ADAM19: variants seen among roughly 807,000 people sequenced by gnomAD.
ADAM19 encodes the protein ADAM metallopeptidase domain 19, also known as disintegrin and metalloproteinase domain-containing protein 19.
In ADAM19, 65 loss-of-function variants were observed where a neutral mutation model predicts 114.7. That is an observed-to-expected ratio of 0.57 (90% CI 0.46 to 0.70). The LOEUF (loss-of-function observed/expected upper bound fraction) is 0.70. Ranked by LOEUF, ADAM19 falls within the 30% of genes least tolerant of loss-of-function variation. The pLI is 0.00. For synonymous variants in ADAM19, 466 were observed against 460.5 expected, an observed-to-expected ratio of 1.01 and a Z score of -0.15; for missense variants, 1,063 against 1,204.7, an observed-to-expected ratio of 0.88 and a Z score of 1.74.
intron 4 of ADAM19, among the ~76,000 whole-genome samples, chr5:157,531,298 C>T (rs924547162): frequency 5.3e-5 from 8 of 152,146 alleles, no homozygotes; most frequent in African/African-American, 1.9e-4. Flanking sequence ...GAATAGAATC[C>T]CCCTAAAATT....
intron 3 of ADAM19, among the ~76,000 whole-genome samples, chr5:157,548,761 A>G (rs1757112470): frequency 1.3e-5 from 2 of 152,228 alleles, no homozygotes; most frequent in South Asian, 4.1e-4. Flanking sequence ...CCACATTGTC[A>G]GCCTCCTCTC....
intron 3 of ADAM19, among the ~76,000 whole-genome samples, chr5:157,551,555 A>G (rs1166943501): frequency 6.6e-6 from 1 of 152,148 alleles, no homozygotes; most frequent in African/African-American, 2.4e-5. Context: ...CAACCAAAGA[A>G]AAAATGGACA....
chr5:157,551,772 T>C (rs1757205091), intron 3 of ADAM19, among the ~76,000 whole-genome samples: 2 of 150,866 alleles, frequency 1.3e-5, no homozygotes, highest in South Asian at 4.2e-4. Flanking sequence ...AAGCTTTGAA[T>C]AGACATTTCT....
At chr5:157,568,880 A>ACTATT (rs1262765817) in intron 2 of ADAM19, 1 of 152,200 alleles carries the variant, frequency 6.6e-6, no homozygotes, top group Non-Finnish European at 1.5e-5. Flanking sequence ...CACTATGCTG[A>ACTATT]CTATTCCTAC....
chr5:157,543,045 G>A (rs1301351156), intron 3 of ADAM19, among the ~76,000 whole-genome samples: 1 of 152,110 alleles, frequency 6.6e-6, no homozygotes, highest in Admixed American at 6.6e-5. Flanking sequence ...CAAAGGTTAT[G>A]ATTTTACAGC....
chr5:157,529,130 G>A (rs1581331531), intron 5 of ADAM19, among the ~76,000 whole-genome samples: 1 of 152,122 alleles, frequency 6.6e-6, no homozygotes, highest in South Asian at 2.1e-4. Flanking sequence ...CTACAAATCA[G>A]GGCTTTTTCC....
At chr5:157,522,098 T>C (rs1041224675) in intron 5 of ADAM19, among the ~76,000 whole-genome samples, 13 of 152,208 alleles carry the variant, frequency 8.5e-5, no homozygotes, top group Non-Finnish European at 1.9e-4. Flanking sequence ...AGAATCCTCA[T>C]AGTGGCTGCA....
rs1210004894 is a variant in ADAM19 at position 157,479,566 on chromosome 5, G to A, written c.*1383C>T. 2.0e-6 allele frequency: 2 copies of A among 985,780 alleles called. No individual in the cohort carries two copies. The highest frequency in any genetic ancestry group is 2.4e-6 in the Non-Finnish European group (2 of 829,998). The allele number at this position is 985,780 out of a possible 1,614,324, so 61.1% of individuals were successfully genotyped here. On this transcript the variant is annotated 3_prime_UTR_variant, in exon 23 of 23. Transcript: ENST00000257527. ...AAGCACCACACGGCCCTCCTTCCCT[G>A]CTGCAGGGAAGACAGGAGCCACCGC...
chr5:157,523,290 C>T (rs55717305), intron 5 of ADAM19, among the ~76,000 whole-genome samples: 5,110 of 152,250 alleles, frequency 0.034, 107 homozygotes, highest in South Asian at 0.07. Flanking sequence ...TTAGAATATT[C>T]TACAGTGTAT....
In ADAM19 at chr5:157,519,883, A is replaced by C; in HGVS notation, c.556T>G (p.Trp186Gly). 6.2e-7 allele frequency: 1 copy of C among 1,614,090 alleles called. No homozygotes were observed. Among genetic ancestry groups the C allele is most frequent in the South Asian group, 1.1e-5 (1 of 91,068 alleles). ...FEHSKPTTRDWALQFTQQTKK... is the reference protein window; with the variant it reads ...FEHSKPTTRDGALQFTQQTKK... Reference sequence around the variant, plus strand: ...GTCTGTTGTGTAAACTGAAGAGCCCAGTCCCTGGTGGTGGGCTTGGAGTGC... The same window carrying C: ...GTCTGTTGTGTAAACTGAAGAGCCCCGTCCCTGGTGGTGGGCTTGGAGTGC... Residue 186 changes from tryptophan to glycine, a missense_variant, in exon 6 of 23, where the codon TGG becomes GGG. Coordinates refer to ENST00000257527, the MANE Select transcript of ADAM19 (RefSeq NM_033274.5).
intron 3 of ADAM19, among the ~76,000 whole-genome samples, chr5:157,562,032 A>C (rs1354756371): frequency 6.6e-6 from 1 of 152,174 alleles, no homozygotes; most frequent in Non-Finnish European, 1.5e-5. Context: ...GAGATTATAG[A>C]AACTTCAACA....
At chr5:157,562,140 A>T (rs1418788613) in intron 3 of ADAM19, among the ~76,000 whole-genome samples, 1 of 152,208 alleles carries the variant, frequency 6.6e-6, no homozygotes, top group Non-Finnish European at 1.5e-5. Flanking sequence ...TGGGAAATAA[A>T]CACACTAGGA....
chr5:157,553,205 G>A (rs762870111), intron 3 of ADAM19, among the ~76,000 whole-genome samples: 27 of 152,208 alleles, frequency 1.8e-4, no homozygotes, highest in Non-Finnish European at 3.4e-4. Flanking sequence ...GCAATGCAAC[G>A]GATAAATGCC....
chr5:157,503,412 C>T lies in ADAM19; in HGVS notation c.1131-432G>A, dbSNP rs111276350. Among the ~76,000 whole-genome samples the T allele has an allele frequency of 3.7e-3, 558 of 151,668 alleles. 5 individuals carry two copies. Among genetic ancestry groups the T allele is most frequent in the African/African-American group, 0.013 (523 of 41,310 alleles). On this transcript the variant is annotated intron_variant, in intron 11 of 22. Coordinates refer to ENST00000257527, the MANE Select transcript of ADAM19 (RefSeq NM_033274.5). ...AATGTAAATGACGAGTTAATGGGTG[C>T]AGCACACCAACATGGCACATGTATA...
intron 12 of ADAM19, 109 bp from the exon 13 acceptor site, chr5:157,499,771 CTCTTTTTT>C: frequency 1.8e-6 from 1 of 541,778 alleles, no homozygotes; most frequent in Non-Finnish European, 3.3e-6. Flanking sequence ...TAGCAACTAT[CTCTTTTTT>C]TTTTTTTTTT....
chr5:157,558,422 A>G (rs1757422042), intron 3 of ADAM19, among the ~76,000 whole-genome samples: 1 of 152,222 alleles, frequency 6.6e-6, no homozygotes, highest in Admixed American at 6.5e-5. Context: ...AAAGAATGAT[A>G]TCCTTTAATT....
chr5:157,488,340 T>A lies in ADAM19; in HGVS notation c.2475A>T (p.Ile825=). 1 of 1,614,136 alleles carries A rather than the reference T, an allele frequency of 6.2e-7. No individual in the cohort carries two copies. ...ARNSPGPGSQ[I]ERTESSRRPP... is the part of the protein sequence containing the mutation. The stretch of plus-strand genomic sequence containing the variant: ...GCCTCCTGGACGACTCCGTCCTCTC[T>A]ATTTGAGACCCGGGCCCTGGGGAGT... Residue 825 remains isoleucine, a synonymous_variant, in exon 21 of 23, where the codon ATA becomes ATT. Transcript: ENST00000257527.
At chr5:157,551,435 C>CA in intron 3 of ADAM19, among the ~76,000 whole-genome samples, 1 of 132,986 alleles carries the variant, frequency 7.5e-6, no homozygotes, top group South Asian at 2.5e-4. Context: ...AAAAAAAGAC[C>CA]AAAAAAACTA....
intron 3 of ADAM19, among the ~76,000 whole-genome samples, chr5:157,542,947 C>T (rs542304345): frequency 3.0e-4 from 45 of 152,258 alleles, no homozygotes; most frequent in Admixed American, 7.2e-4. Flanking sequence ...GCCCTTGTTC[C>T]ACTCTGTAAA....
Sources: allele counts gnomAD v4.1 joint callset (sites outside exome capture counted in the v4.1 genomes callset), GRCh38; gene constraint gnomAD v4.1.1; transcripts MANE v1.5; gene names NCBI Gene and HGNC (gene_info 2026-07-23, HGNC 2026-07-21).